POMT1: variants seen among roughly 807,000 people sequenced by gnomAD.
The protein encoded by POMT1 is protein O-mannosyl-transferase 1.
POMT1 carries 85 observed loss-of-function variants against 101.6 expected under a neutral mutation model. That is an observed-to-expected ratio of 0.84 (90% CI 0.70 to 1.00). The LOEUF is 1.00. POMT1 is among the 50% of genes least tolerant of loss of function. The probability of loss-of-function intolerance (pLI) is 0.00; values close to 1 mark genes in which losing one functional copy is unlikely to be tolerated. For synonymous variants in POMT1, 371 were observed against 383.0 expected, an observed-to-expected ratio of 0.97 and a Z score of 0.37; for missense variants, 857 against 930.4, an observed-to-expected ratio of 0.92 and a Z score of 1.03.
At chr9:131,505,591 C>T (rs1334213661) in intron 2 of POMT1, among the ~76,000 whole-genome samples, 1 of 152,176 alleles carries the variant, frequency 6.6e-6, no homozygotes, top group African/African-American at 2.4e-5. Context: ...ATCACATAAC[C>T]ACAGTTGCAT....
rs1564366833 is a variant in POMT1 at position 131,515,783 on chromosome 9, T to TCTAACACA, written c.1272+261_1272+262insCTAACACA. On this transcript the variant is annotated intron_variant, in intron 13 of 19. Coordinates refer to ENST00000402686, the MANE Select transcript of POMT1 (RefSeq NM_001077365.2). ...ACTTCCTCTAACATGGAGCACTTCCTGTAACACAGGACACTTCCTCACACG... is the reference window on the plus strand; with the variant it reads ...ACTTCCTCTAACATGGAGCACTTCCTCTAACACAGTAACACAGGACACTTCCTCACACG... Among the ~76,000 whole-genome samples, 436 of 29,436 alleles carry TCTAACACA rather than the reference T, an allele frequency of 0.015. 61 individuals are homozygous for TCTAACACA. Among genetic ancestry groups the TCTAACACA allele is most frequent in the African/African-American group, 0.032 (411 of 12,796 alleles). 19.3% of individuals were successfully genotyped at this position (29,436 alleles called of 152,430 possible).
chr9:131,503,247 C>G lies in POMT1; in HGVS notation c.-31+174C>G, dbSNP rs368285841. On this transcript the variant is annotated intron_variant, in intron 1 of 19. Transcript: ENST00000402686. The surrounding 1 kb of genome is among the most constrained non-coding windows in gnomAD (Gnocchi z 4.4). ...ATGCGGCGTTCGGGCGGCCGAGCCC[C>G]GAAGTAAGAACTCCGTGGCGCGTGC... is the stretch of plus-strand genomic sequence containing the variant. 1 of 152,260 alleles carries G rather than the reference C, an allele frequency of 6.6e-6. No individual in the cohort carries two copies. The highest frequency in any genetic ancestry group is 1.5e-5 in the Non-Finnish European group (1 of 68,166). The allele number at this position is 152,260 out of a possible 1,614,324, so 9.4% of individuals were successfully genotyped here.
In POMT1 at chr9:131,504,446, G is replaced by C; in HGVS notation, c.122+106G>C. The C allele has an allele frequency of 1.9e-6, 3 of 1,553,530 alleles. No individual in the cohort carries two copies. In the South Asian group the frequency reaches 3.4e-5, roughly 18 times the overall value. ...TGGGAGAGTGAAATCCTGGCTTCTT[G>C]GTGATAGGTGTTTTTGGCAGTGAGA... On this transcript the variant is annotated intron_variant, in intron 2 of 19. Transcript: ENST00000402686.
At chr9:131,505,850 C>T (rs914844178) in intron 2 of POMT1, among the ~76,000 whole-genome samples, 1 of 152,098 alleles carries the variant, frequency 6.6e-6, no homozygotes, top group Non-Finnish European at 1.5e-5. Flanking sequence ...CCACCTAAAT[C>T]AAACACAAGG....
intron 5 of POMT1, among the ~76,000 whole-genome samples, 200 bp from the exon 6 acceptor site, chr9:131,508,709 AAG>A (rs1395280917): frequency 8.5e-5 from 13 of 152,230 alleles, no homozygotes; most frequent in African/African-American, 2.4e-4. Context: ...AAAGAAAAGA[AAG>A]AGACAGTAGA....
At chr9:131,510,978 G>C in intron 9 of POMT1, 3 of 279,496 alleles carry the variant, frequency 1.1e-5, no homozygotes, top group Non-Finnish European at 2.1e-5. Flanking sequence ...CCGACGGCCA[G>C]TGCTGTAGTG....
chr9:131,519,492 G>C lies in POMT1; in HGVS notation c.1584+6G>C. 3 of 1,549,370 alleles carry C rather than the reference G, an allele frequency of 1.9e-6. No individual in the cohort carries two copies. Among genetic ancestry groups the C allele is most frequent in the Non-Finnish European group, 2.6e-6 (3 of 1,146,958 alleles). ...CGAGATTCTCGGAGCTGCAGGTGAG[G>C]AGCGGCCAGGGGAAGCTGGCCTAGC... On this transcript the variant is annotated splice_donor_region_variant and intron_variant, in intron 16 of 19. Coordinates refer to ENST00000402686, the MANE Select transcript of POMT1 (RefSeq NM_001077365.2). The surrounding 1 kb of genome is among the most constrained non-coding windows in gnomAD (Gnocchi z 4.3).
At chr9:131,511,959 C>T in intron 10 of POMT1, 82 bp from the exon 11 acceptor site, 1 of 1,478,284 alleles carries the variant, frequency 6.8e-7, no homozygotes, top group Non-Finnish European at 9.4e-7. Context: ...AGTTATCCTA[C>T]CTCAGCCTCC....
intron 13 of POMT1, 74 bp downstream of exon 13, chr9:131,515,596 C>T (rs1294617175): frequency 2.1e-5 from 28 of 1,321,902 alleles, no homozygotes; most frequent in Non-Finnish European, 2.9e-5. Flanking sequence ...ACTTCCTCAC[C>T]CGGAGCACTC....
In POMT1 at chr9:131,510,011, C is replaced by G; in HGVS notation, c.699+15C>G. ...CTTTGTCCAATGTAGGTGCTGATGT[C>G]CAGTGCTGCATGAGGCCGGCCTGTA... On this transcript the variant is annotated intron_variant, in intron 8 of 19. Transcript: ENST00000402686. The G allele has an allele frequency of 6.2e-7, 1 of 1,614,162 alleles. No individual in the cohort carries two copies. Among genetic ancestry groups the G allele is most frequent in the Non-Finnish European group, 8.5e-7 (1 of 1,180,028 alleles).
chr9:131,517,341 C>T (rs1450093222), intron 13 of POMT1, among the ~76,000 whole-genome samples: 2 of 152,144 alleles, frequency 1.3e-5, no homozygotes, highest in Non-Finnish European at 1.5e-5. Context: ...GGTGATCCTC[C>T]CACCTCTGCC....
chr9:131,521,095 A>C, intron 17 of POMT1: 1 of 516,158 alleles, frequency 1.9e-6, no homozygotes. Flanking sequence ...TGCCCACCTC[A>C]GCTTCCCAAA....
chr9:131,514,276 C>T (rs772934386), intron 12 of POMT1, among the ~76,000 whole-genome samples: 22 of 152,312 alleles, frequency 1.4e-4, no homozygotes, highest in South Asian at 2.1e-4. Context: ...TCCCGTCACC[C>T]GCCAAGGTCC....
intron 11 of POMT1, 87 bp downstream of exon 11, chr9:131,512,223 C>A: frequency 6.4e-7 from 1 of 1,556,132 alleles, no homozygotes; most frequent in South Asian, 1.2e-5. Flanking sequence ...GGGCCCCCTT[C>A]TTTCCCTCCC....
intron 17 of POMT1, 145 bp downstream of exon 17, chr9:131,520,338 C>G: frequency 2.5e-6 from 2 of 794,188 alleles, no homozygotes. Flanking sequence ...TTGGTTTTCT[C>G]TAAACGCTTT....
At chr9:131,505,977 A>G (rs773198779) in intron 2 of POMT1, 137 bp from the exon 3 acceptor site, 2 of 1,214,740 alleles carry the variant, frequency 1.6e-6, no homozygotes, top group East Asian at 2.5e-5. Flanking sequence ...ATGGGAAACA[A>G]TTGGGGCAAA....
intron 13 of POMT1, among the ~76,000 whole-genome samples, chr9:131,516,067 A>AG (rs1948448057): frequency 4.1e-3 from 274 of 67,080 alleles, no homozygotes; most frequent in African/African-American, 0.01. Flanking sequence ...CTAACACAGG[A>AG]CACTTCCTCA....
rs372004067 is a variant in POMT1 at position 131,504,316 on chromosome 9, G to A, written c.98G>A (p.Arg33Gln). The change falls in exon 2 of 20, where the codon CGA becomes CAA. Residue 33 changes from arginine (R) to glutamine (Q), a missense_variant. Arg to Gln is a conservative substitution (Grantham distance 43). Coordinates refer to ENST00000402686, the MANE Select transcript of POMT1 (RefSeq NM_001077365.2). ...ATGGGGTTACTGAGCCGGCTGTGGC[G>A]ACTCACCTACCCGCGGGCTGTGGTG... ...TGMGLLSRLW[R>Q]LTYPRAVVFD... 1.9e-6 allele frequency: 3 copies of A among 1,614,180 alleles called. No individual in the cohort carries two copies. The highest frequency in any genetic ancestry group is 1.7e-5 in the Admixed American group (1 of 60,024).
In POMT1 at chr9:131,503,079, T is replaced by G. The variant is rs1025673121; in HGVS notation, c.-31+6T>G. 1 of 152,186 alleles carries G rather than the reference T, an allele frequency of 6.6e-6. No homozygotes were observed. Among genetic ancestry groups the G allele is most frequent in the Non-Finnish European group, 1.5e-5 (1 of 68,060 alleles). The allele number at this position is 152,186 out of a possible 1,614,324, so 9.4% of individuals were successfully genotyped here. A position where few individuals can be genotyped will look rare whatever the true frequency, so the allele number is the denominator to read the frequency against. On this transcript the variant is annotated splice_donor_region_variant and intron_variant, in intron 1 of 19. Transcript: ENST00000402686. The surrounding 1 kb of genome is among the most constrained non-coding windows in gnomAD (Gnocchi z 4.4). Reference sequence around the variant, plus strand: ...GTGGACTCGGAGAAACGCGGGTACATTTGGGGACACCGGGGACGAGAGCCC... The same window carrying G: ...GTGGACTCGGAGAAACGCGGGTACAGTTGGGGACACCGGGGACGAGAGCCC...
Sources: gnomAD v4.1 joint callset for allele counts (sites outside exome capture counted in the v4.1 genomes callset) on GRCh38, gnomAD v4.1.1 for gene constraint, Gnocchi (gnomAD v3.1) non-coding constraint, MANE v1.5 for transcripts, NCBI Gene and HGNC (gene_info 2026-07-23, HGNC 2026-07-21) for gene names.